Variants in COMMD10 observed in about 807,000 individuals in gnomAD.
The protein encoded by COMMD10 is COMM domain-containing protein 10.
A neutral mutation model predicts 28.9 loss-of-function variants in COMMD10; 33 were observed. The observed-to-expected ratio is 1.14, with a 90% CI of 0.87 to 1.53. The LOEUF is 1.53. Among genes scored for constraint, COMMD10 ranks in the 40% most tolerant of loss-of-function variants. The pLI, the probability that COMMD10 is intolerant of heterozygous loss-of-function variation, is 0.00. For missense variants in COMMD10, 310 were observed against 233.4 expected, an observed-to-expected ratio of 1.33 and a Z score of -2.14; for synonymous variants, 110 against 81.7, an observed-to-expected ratio of 1.35 and a Z score of -1.87.
intron 5 of COMMD10, among the ~76,000 whole-genome samples, chr5:116,146,884 T>C (rs1752367934): frequency 6.6e-6 from 1 of 151,882 alleles, no homozygotes. Context: ...TAAAATCTCT[T>C]TATTTTTGTT....
At chr5:116,104,557 G>A (rs1750772810) in intron 4 of COMMD10, among the ~76,000 whole-genome samples, 1 of 152,048 alleles carries the variant, frequency 6.6e-6, no homozygotes. Context: ...TGAGATGATG[G>A]GGTTTTCTAA....
At chr5:116,266,214 A>G (rs1232865027) in intron 5 of COMMD10, among the ~76,000 whole-genome samples, 2 of 151,738 alleles carry the variant, frequency 1.3e-5, no homozygotes, top group Non-Finnish European at 2.9e-5. Context: ...ACTATATGAA[A>G]AAGAAAAATA....
intron 5 of COMMD10, among the ~76,000 whole-genome samples, chr5:116,167,819 G>T (rs28766976): frequency 0.02 from 3,057 of 152,214 alleles, 51 homozygotes; most frequent in Admixed American, 0.034. Flanking sequence ...CCTTACAAGA[G>T]CTCCTGAAGG....
chr5:116,203,920 G>T (rs1580545875), intron 5 of COMMD10, among the ~76,000 whole-genome samples: 1 of 152,192 alleles, frequency 6.6e-6, no homozygotes, highest in East Asian at 1.9e-4. Flanking sequence ...TGGACTAAAT[G>T]CTCCAATTAA....
intron 5 of COMMD10, among the ~76,000 whole-genome samples, chr5:116,137,098 A>T (rs961510423): frequency 1.3e-4 from 20 of 152,184 alleles, no homozygotes; most frequent in African/African-American, 4.8e-4. Context: ...TTCCTCAATG[A>T]ACTGCTGCCT....
intron 5 of COMMD10, among the ~76,000 whole-genome samples, chr5:116,286,280 G>T (rs1258327915): frequency 3.3e-5 from 5 of 151,074 alleles, no homozygotes; most frequent in African/African-American, 1.2e-4. Context: ...CTAAGGATTT[G>T]TCAATTTTAT....
rs1029098122 is a variant in COMMD10 at position 116,275,316 on chromosome 5, A to G, written c.511-16201A>G. Among the ~76,000 whole-genome samples, 19 of 151,754 alleles carry G rather than the reference A, an allele frequency of 1.3e-4. No individual in the cohort carries two copies. The East Asian group carries it at 3.5e-3, about 28-fold the overall frequency. The stretch of plus-strand genomic sequence containing the variant: ...GTAGACTGCTCTGCTTTTCCCTTTC[A>G]TGTTCTCTTTTGCTGGTGGGAATAT... On this transcript the variant is annotated intron_variant, in intron 5 of 6. Transcript: ENST00000274458.
At chr5:116,198,886 T>G (rs1580541994) in intron 5 of COMMD10, among the ~76,000 whole-genome samples, 1 of 152,170 alleles carries the variant, frequency 6.6e-6, no homozygotes, top group African/African-American at 2.4e-5. Flanking sequence ...TGCTTTCCAG[T>G]TTTGCTAAGT....
At chr5:116,169,680 C>A (rs1348722629) in intron 5 of COMMD10, among the ~76,000 whole-genome samples, 1 of 152,150 alleles carries the variant, frequency 6.6e-6, no homozygotes, top group Non-Finnish European at 1.5e-5. Flanking sequence ...AAGGCTGGTT[C>A]AACATATGCA....
intron 5 of COMMD10, among the ~76,000 whole-genome samples, chr5:116,143,060 GT>G (rs1166381475): frequency 9.6e-5 from 9 of 94,090 alleles, no homozygotes; most frequent in East Asian, 3.2e-4. Context: ...AATTTAATGT[GT>G]GTTTTTGGTT....
chr5:116,215,673 T>A (rs1749074448), intron 5 of COMMD10, among the ~76,000 whole-genome samples: 1 of 141,496 alleles, frequency 7.1e-6, no homozygotes, highest in Non-Finnish European at 1.5e-5. Flanking sequence ...GGCGACAGAG[T>A]GGGAGTCCAG....
intron 5 of COMMD10, among the ~76,000 whole-genome samples, chr5:116,241,583 C>CTTTATTTAT (rs1554053962): frequency 7.1e-6 from 1 of 140,448 alleles, no homozygotes; most frequent in Non-Finnish European, 1.5e-5. Flanking sequence ...ACTCTGCTTT[C>CTTTATTTAT]TTATTTATTT....
chr5:116,169,524 G>A (rs911633637), intron 5 of COMMD10, among the ~76,000 whole-genome samples: 3 of 152,116 alleles, frequency 2.0e-5, no homozygotes, highest in Admixed American at 6.6e-5. Flanking sequence ...AAACCTGGCA[G>A]AGACACAACA....
chr5:116,109,843 C>A (rs181214490), intron 4 of COMMD10, among the ~76,000 whole-genome samples: 2 of 152,294 alleles, frequency 1.3e-5, no homozygotes, highest in East Asian at 3.9e-4. Flanking sequence ...TTTACTTTCT[C>A]TTTTCCCATT....
chr5:116,111,150 T>A (rs1393782831), intron 4 of COMMD10, among the ~76,000 whole-genome samples: 1 of 152,202 alleles, frequency 6.6e-6, no homozygotes, highest in African/African-American at 2.4e-5. Context: ...CTTATTATAT[T>A]TGGATCTTCT....
chr5:116,178,145 GGAAAGTAAGGTGAAAAT>G (rs1747798823), intron 5 of COMMD10, among the ~76,000 whole-genome samples: 1 of 152,100 alleles, frequency 6.6e-6, no homozygotes, highest in South Asian at 2.1e-4. Flanking sequence ...TTAGAGATAA[GGAAAGTAAGGTGAAAAT>G]GAGCCAACTG....
Position 116,110,834 on chromosome 5 carries a change from CCAGATCTCA to C in COMMD10, c.399+18135_399+18143del, listed in dbSNP as rs1269346438. On this transcript the variant is annotated intron_variant, in intron 4 of 6. Coordinates refer to ENST00000274458, the MANE Select transcript of COMMD10 (RefSeq NM_016144.4). ...GGAGGTGCTACACACTTTTAAACCACCAGATCTCAAGAGAATTCACTATTGTGAGGACAA... is the reference window on the plus strand; with the variant it reads ...GGAGGTGCTACACACTTTTAAACCACAGAGAATTCACTATTGTGAGGACAA... Among the ~76,000 whole-genome samples the C allele has an allele frequency of 5.9e-5, 9 of 152,072 alleles. No homozygotes were observed. The South Asian group carries it at 1.7e-3, about 28-fold the overall frequency.
intron 5 of COMMD10, among the ~76,000 whole-genome samples, chr5:116,188,889 C>T (rs1431891262): frequency 6.6e-6 from 1 of 152,202 alleles, no homozygotes; most frequent in Non-Finnish European, 1.5e-5. Context: ...CTTGGCCTTC[C>T]ATAGTTCTGG....
chr5:116,222,549 T>TC (rs1749288882), intron 5 of COMMD10, among the ~76,000 whole-genome samples: 1 of 152,196 alleles, frequency 6.6e-6, no homozygotes, highest in Non-Finnish European at 1.5e-5. Flanking sequence ...CTATGTTTTA[T>TC]GAGGGAATTT....
Sources: allele counts gnomAD v4.1 joint callset (sites outside exome capture counted in the v4.1 genomes callset), GRCh38; gene constraint gnomAD v4.1.1; transcripts MANE v1.5; gene names NCBI Gene and HGNC (gene_info 2026-07-23, HGNC 2026-07-21).